The following CATSPERB variants were observed in gnomAD, a reference collection of about 807,000 sequenced individuals.
CATSPERB encodes cation channel sperm-associated auxiliary subunit beta.
CATSPERB carries 93 observed loss-of-function variants against 128.3 expected under a neutral mutation model. That is an observed-to-expected ratio of 0.72 (90% confidence interval 0.61 to 0.86). The LOEUF (loss-of-function observed/expected upper bound fraction) is 0.86, where lower values mean the gene tolerates loss of function less well. CATSPERB is among the 40% of genes least tolerant of loss of function. The pLI is 0.00. For synonymous variants in CATSPERB, 381 were observed against 448.8 expected, an observed-to-expected ratio of 0.85 and a Z score of 1.91; for missense variants, 1,153 against 1,329.5, an observed-to-expected ratio of 0.87 and a Z score of 2.06.
intron 6 of CATSPERB, among the ~76,000 whole-genome samples, chr14:91,706,206 G>A (rs1243438133): frequency 6.6e-6 from 1 of 152,128 alleles, no homozygotes; most frequent in Non-Finnish European, 1.5e-5. Flanking sequence ...CTGGGTTGAC[G>A]TAGTGCAGCA....
chr14:91,621,079 G>T (rs1017328740), intron 19 of CATSPERB, among the ~76,000 whole-genome samples: 1 of 152,162 alleles, frequency 6.6e-6, no homozygotes, highest in Non-Finnish European at 1.5e-5. Context: ...TATATTTTTA[G>T]GGTTGTTATA....
chr14:91,671,613 C>T (rs1042469886), intron 13 of CATSPERB, among the ~76,000 whole-genome samples: 2 of 124,526 alleles, frequency 1.6e-5, no homozygotes, highest in South Asian at 4.8e-4. Flanking sequence ...AAAAACCAAC[C>T]AACAAAAAAA....
intron 17 of CATSPERB, among the ~76,000 whole-genome samples, chr14:91,633,627 G>A (rs1241718723): frequency 6.6e-6 from 1 of 151,946 alleles, no homozygotes; most frequent in Non-Finnish European, 1.5e-5. Context: ...GGACTTTAAG[G>A]TTGGTTCAAC....
At chr14:91,685,533 A>G (rs1357590866) in intron 10 of CATSPERB, among the ~76,000 whole-genome samples, 24 of 152,200 alleles carry the variant, frequency 1.6e-4, no homozygotes, top group Non-Finnish European at 2.9e-5. Flanking sequence ...AGTAAATAAG[A>G]TAGATCTTGA....
At chr14:91,653,688 C>T (rs867131941) in intron 15 of CATSPERB, among the ~76,000 whole-genome samples, 6 of 152,252 alleles carry the variant, frequency 3.9e-5, no homozygotes, top group Middle Eastern at 6.8e-3. Context: ...ACAGGAAAAA[C>T]CAGCCCCCAT....
intron 10 of CATSPERB, among the ~76,000 whole-genome samples, chr14:91,686,219 T>G (rs1468732310): frequency 6.6e-6 from 1 of 152,158 alleles, no homozygotes; most frequent in Non-Finnish European, 1.5e-5. Context: ...CATTATGTAT[T>G]TGTTTGTGTA....
chr14:91,664,300 C>T (rs563455702), intron 14 of CATSPERB, among the ~76,000 whole-genome samples: 36 of 119,166 alleles, frequency 3.0e-4, no homozygotes, highest in Admixed American at 7.0e-4. Context: ...GAGTCTCACT[C>T]AATCACCCAG....
At chr14:91,706,096 C>A (rs1257629600) in intron 6 of CATSPERB, among the ~76,000 whole-genome samples, 9 of 152,204 alleles carry the variant, frequency 5.9e-5, no homozygotes, top group Non-Finnish European at 1.3e-4. Flanking sequence ...ACATTCTCCT[C>A]TGTCTCCCCA....
chr14:91,651,297 G>A (rs936376072), intron 15 of CATSPERB, among the ~76,000 whole-genome samples: 2 of 152,202 alleles, frequency 1.3e-5, no homozygotes, highest in African/African-American at 2.4e-5. Context: ...CTCTTAAAGG[G>A]TGGTCCCTAC....
At chr14:91,689,244 C>A (rs1895425842) in intron 10 of CATSPERB, among the ~76,000 whole-genome samples, 1 of 152,222 alleles carries the variant, frequency 6.6e-6, no homozygotes, top group Admixed American at 6.5e-5. Flanking sequence ...GGAGCTCTGC[C>A]AGCCAAACTC....
intron 7 of CATSPERB, among the ~76,000 whole-genome samples, chr14:91,698,017 T>G (rs369099333): frequency 2.4e-4 from 37 of 152,350 alleles, no homozygotes; most frequent in African/African-American, 8.4e-4. Context: ...GAGCATGGAC[T>G]GTTTTTCCAT....
chr14:91,636,254 T>C, intron 17 of CATSPERB, 171 bp downstream of exon 17: 1 of 588,014 alleles, frequency 1.7e-6, no homozygotes, highest in Non-Finnish European at 3.0e-6. Context: ...TCCCAGCTAT[T>C]CTGGAGGCTG....
intron 22 of CATSPERB, among the ~76,000 whole-genome samples, chr14:91,606,241 G>A (rs925630811): frequency 2.6e-5 from 4 of 152,070 alleles, no homozygotes; most frequent in African/African-American, 7.2e-5. Flanking sequence ...TGATGCAGTA[G>A]CTATGAGATT....
At chr14:91,706,880 T>G (rs1016085113) in intron 6 of CATSPERB, among the ~76,000 whole-genome samples, 4 of 152,044 alleles carry the variant, frequency 2.6e-5, no homozygotes, top group African/African-American at 7.2e-5. Flanking sequence ...CTGAAGGCTC[T>G]GCTCACCACC....
intron 22 of CATSPERB, among the ~76,000 whole-genome samples, chr14:91,597,630 A>T (rs1158346783): frequency 6.6e-6 from 1 of 152,166 alleles, no homozygotes; most frequent in African/African-American, 2.4e-5. Flanking sequence ...ATCTTTCAAA[A>T]TTGGCCCTCA....
chr14:91,673,160 T>C lies in CATSPERB; in HGVS notation c.979-144A>G, dbSNP rs529598782. 4.3e-5 allele frequency: 30 copies of C among 699,212 alleles called. No homozygotes were observed. The South Asian group carries it at 6.5e-4, about 15-fold the overall frequency. 43.3% of individuals were successfully genotyped at this position (699,212 alleles called of 1,614,324 possible). ...GAAATTAACCTTCCCTCCCTGGTCT[T>C]AAAACCCACTGGTCTTTAAACTCCC... On this transcript the variant is annotated intron_variant, in intron 12 of 26. Transcript: ENST00000256343.
At chr14:91,585,618 C>A (rs1377005478) in intron 26 of CATSPERB, among the ~76,000 whole-genome samples, 1 of 152,016 alleles carries the variant, frequency 6.6e-6, no homozygotes, top group African/African-American at 2.4e-5. Flanking sequence ...AAGTGTTTAC[C>A]TGTACTGCAT....
chr14:91,696,092 AGAG>A (rs1895557320), intron 7 of CATSPERB, among the ~76,000 whole-genome samples: 1 of 152,214 alleles, frequency 6.6e-6, no homozygotes, highest in African/African-American at 2.4e-5. Context: ...ACAACTGAAG[AGAG>A]GAGTAGTTTT....
intron 22 of CATSPERB, among the ~76,000 whole-genome samples, chr14:91,594,989 T>A (rs1893478664): frequency 6.6e-6 from 1 of 152,084 alleles, no homozygotes; most frequent in Non-Finnish European, 1.5e-5. Context: ...ATTGAAAAAA[T>A]TATTTTGAAG....
Sources: allele counts gnomAD v4.1 joint callset (sites outside exome capture counted in the v4.1 genomes callset), GRCh38; gene constraint gnomAD v4.1.1; transcripts MANE v1.5; gene names NCBI Gene and HGNC (gene_info 2026-07-23, HGNC 2026-07-21).